Variants in RELCH observed in about 807,000 individuals in gnomAD.
The protein encoded by RELCH is RAB11-binding protein RELCH.
A neutral mutation model predicts 150.3 loss-of-function variants in RELCH; 41 were observed. The ratio of observed to expected loss-of-function variants is 0.27; its 90% confidence interval spans 0.21 to 0.35. The LOEUF (loss-of-function observed/expected upper bound fraction) is 0.35, where lower values mean the gene tolerates loss of function less well. Among genes scored for constraint, RELCH ranks in the 10% least tolerant of loss-of-function variants. RELCH has a pLI of 1.00. For synonymous variants in RELCH, 478 were observed against 531.8 expected (o/e 0.90, Z 1.39); for missense variants, 1,092 against 1,467.8 (o/e 0.74, Z 4.18).
rs187131976 is a variant in RELCH, at chr18:62,262,342, A to G, written c.2350+684A>G. On this transcript the variant is annotated intron_variant, in intron 16 of 28. Coordinates refer to ENST00000644646, the MANE Select transcript of RELCH (RefSeq NM_001346231.2). ...GACAAGCTATTGCTATGTATCAGGC[A>G]CCTTTGCAGCCTTTTCAGAGTTGTG... Among the ~76,000 whole-genome samples the G allele has an allele frequency of 4.1e-3, 628 of 152,152 alleles. 4 individuals are homozygous for G. The highest frequency in any genetic ancestry group is 7.0e-3 in the Non-Finnish European group (473 of 67,966).
rs1475032467 is a variant in RELCH, at chr18:62,306,610, G to C, written c.*1076G>C. The C allele has an allele frequency of 2.0e-5, 3 of 152,536 alleles. No homozygotes were observed. The highest frequency in any genetic ancestry group is 4.4e-5 in the Non-Finnish European group (3 of 68,020). The allele number at this position is 152,536 out of a possible 1,614,324, so 9.4% of individuals were successfully genotyped here. A position where few individuals can be genotyped will look rare whatever the true frequency, so the allele number is the denominator to read the frequency against. On this transcript the variant is annotated 3_prime_UTR_variant, in exon 29 of 29. Transcript: ENST00000644646. ...CGTCCCTTAAAGTCAGTGACCTCCT[G>C]TGTTTGATGTATATTACATAGAGTC...
intron 23 of RELCH, chr18:62,280,406 C>T (rs2044445532): frequency 1.2e-6 from 2 of 1,613,892 alleles, no homozygotes; most frequent in South Asian, 1.1e-5. Flanking sequence ...AAGCGGGTTG[C>T]TCCGGCCCTT....
In RELCH at chr18:62,233,538, T is replaced by A. The variant is rs966688555; in HGVS notation, c.1620+1111T>A. On this transcript the variant is annotated intron_variant, in intron 10 of 28. Coordinates refer to ENST00000644646, the MANE Select transcript of RELCH (RefSeq NM_001346231.2). ...AACAATTAAAAAGATGGTTTTCCAC[T>A]GATGGCTTTATTTTTACCTAATTAT... Among the ~76,000 whole-genome samples the A allele has an allele frequency of 7.2e-5, 11 of 152,148 alleles. No individual in the cohort carries two copies. The South Asian group carries it at 1.0e-3, about 14-fold the overall frequency.
At position 62,258,058 on chromosome 18, in the gene RELCH, A is replaced by C; in HGVS notation, c.2007A>C (p.Gly669=). The C allele has an allele frequency of 6.2e-7, 1 of 1,605,434 alleles. No homozygotes were observed. Among genetic ancestry groups the C allele is most frequent in the Non-Finnish European group, 8.5e-7 (1 of 1,176,168 alleles). ...TCAAAAGCCTTGGTATCATTATGGGATACATTGATGATCCAGACAAATATC... is the reference window on the plus strand; with the variant it reads ...TCAAAAGCCTTGGTATCATTATGGGCTACATTGATGATCCAGACAAATATC... ...AVIKSLGIIM[G]YIDDPDKYHQ... is the part of the protein sequence containing the mutation. Residue 669 remains glycine, a synonymous_variant, in exon 14 of 29, where the codon GGA becomes GGC. Coordinates refer to ENST00000644646, the MANE Select transcript of RELCH (RefSeq NM_001346231.2).
At chr18:62,219,547 T>G (rs2148360972) in intron 2 of RELCH, among the ~76,000 whole-genome samples, 1 of 151,566 alleles carries the variant, frequency 6.6e-6, no homozygotes, top group East Asian at 1.9e-4. Flanking sequence ...ACCTATTCTG[T>G]ACTTACCTTA....
chr18:62,279,252 T>C (rs941259687), intron 22 of RELCH, among the ~76,000 whole-genome samples: 2 of 152,206 alleles, frequency 1.3e-5, no homozygotes, highest in South Asian at 4.1e-4. Flanking sequence ...AAGAGAAGGC[T>C]ATATTATTTA....
intron 20 of RELCH, among the ~76,000 whole-genome samples, chr18:62,273,471 T>C (rs1284376513): frequency 4.6e-5 from 7 of 152,118 alleles, no homozygotes; most frequent in Admixed American, 4.6e-4. Flanking sequence ...GTAACTATTC[T>C]AGTAGTTTGT....
At chr18:62,205,544 A>G (rs1474806969) in intron 1 of RELCH, among the ~76,000 whole-genome samples, 2 of 152,216 alleles carry the variant, frequency 1.3e-5, no homozygotes, top group Non-Finnish European at 2.9e-5. Context: ...TGCACATGTC[A>G]GTATTTTATT....
chr18:62,201,233 A>C (rs942590688), intron 1 of RELCH, among the ~76,000 whole-genome samples: 5 of 152,016 alleles, frequency 3.3e-5, no homozygotes, highest in African/African-American at 1.2e-4. Context: ...TCGGCCTCCC[A>C]AAGTGCTGGG....
chr18:62,231,255 C>T lies in RELCH; in HGVS notation c.1510C>T (p.Arg504Cys). The T allele has an allele frequency of 6.2e-7, 1 of 1,602,198 alleles. No individual in the cohort carries two copies. The highest frequency in any genetic ancestry group is 8.5e-7 in the Non-Finnish European group (1 of 1,170,522). ...LSFCRMSADS[R>C]LGYEVSRIAD... ...TTTTTGTCGAATGTCAGCAGATAGTCGTTTAGGATACGAGGTAAATTATAC... is the reference window on the plus strand; with the variant it reads ...TTTTTGTCGAATGTCAGCAGATAGTTGTTTAGGATACGAGGTAAATTATAC... Residue 504 changes from arginine to cysteine, a missense_variant, in exon 9 of 29, where the codon CGT becomes TGT. Around this residue, in one of 4 missense-constraint regions of RELCH, gnomAD observed 707 missense variants for 1,025.4 expected, o/e 0.69. Coordinates refer to ENST00000644646, the MANE Select transcript of RELCH (RefSeq NM_001346231.2).
At chr18:62,245,541 G>A (rs542346742) in intron 11 of RELCH, among the ~76,000 whole-genome samples, 81 of 152,126 alleles carry the variant, frequency 5.3e-4, no homozygotes, top group Non-Finnish European at 9.9e-4. Flanking sequence ...CAGGAGAATC[G>A]CTTGAACCCA....
chr18:62,233,468 T>C (rs2041704280), intron 10 of RELCH, among the ~76,000 whole-genome samples: 2 of 151,918 alleles, frequency 1.3e-5, no homozygotes, highest in South Asian at 4.1e-4. Context: ...CAAGAAAACA[T>C]GTAGAGCTTT....
chr18:62,293,521 A>T lies in RELCH; in HGVS notation c.3459+1890A>T, dbSNP rs554582755. Among the ~76,000 whole-genome samples the T allele has an allele frequency of 2.0e-5, 3 of 152,250 alleles. No individual in the cohort carries two copies. The South Asian group carries it at 6.2e-4, about 32-fold the overall frequency. ...TTTAGGGCAATAATCTCCTTTACTT[A>T]GAATTAATTTATTGTGATGTTCATC... On this transcript the variant is annotated intron_variant, in intron 27 of 28. Transcript: ENST00000644646.
chr18:62,221,994 T>TA (rs2040906322), intron 5 of RELCH, among the ~76,000 whole-genome samples: 2 of 152,020 alleles, frequency 1.3e-5, no homozygotes, highest in African/African-American at 4.8e-5. Context: ...ATTTTCCTGA[T>TA]AAAATCTCTT....
chr18:62,302,143 A>G (rs920282851), intron 28 of RELCH, among the ~76,000 whole-genome samples: 2 of 152,252 alleles, frequency 1.3e-5, no homozygotes, highest in South Asian at 2.1e-4. Context: ...TTAAGAGTGA[A>G]GGAGAACAGA....
intron 9 of RELCH, 27 bp downstream of exon 9, chr18:62,231,296 C>G: frequency 7.1e-7 from 1 of 1,411,788 alleles, no homozygotes. Flanking sequence ...ATTTCCACAA[C>G]TTTTTAAAAA....
chr18:62,232,455 C>T, intron 10 of RELCH, 28 bp downstream of exon 10: 1 of 1,318,682 alleles, frequency 7.6e-7, no homozygotes, highest in Non-Finnish European at 1.1e-6. Context: ...ATTTTCGTCC[C>T]AGTAATCCCA....
At position 62,280,638 on chromosome 18, in the gene RELCH, T is replaced by C. The variant is rs754007179; in HGVS notation, c.3051-8T>C. On this transcript the variant is annotated splice_polypyrimidine_tract_variant and splice_region_variant and intron_variant, in intron 23 of 28. Transcript: ENST00000644646. The stretch of plus-strand genomic sequence containing the variant: ...ATCTTCAGTTTCTTTCTGTTTTAAT[T>C]CTAACAGCTCTGTCAGGATTGCCAC... 8 of 1,605,104 alleles carry C rather than the reference T, an allele frequency of 5.0e-6. No homozygotes were observed. Among genetic ancestry groups the C allele is most frequent in the African/African-American group, 1.3e-5 (1 of 74,720 alleles).
chr18:62,276,182 T>C (rs1033842575), intron 22 of RELCH, among the ~76,000 whole-genome samples: 2 of 152,184 alleles, frequency 1.3e-5, no homozygotes, highest in African/African-American at 4.8e-5. Context: ...CTGTTTCTTA[T>C]TGATTTCCAG....
Sources: allele counts gnomAD v4.1 joint callset (sites outside exome capture counted in the v4.1 genomes callset), GRCh38; gene constraint gnomAD v4.1.1; regional missense constraint gnomAD v4.1.1; transcripts MANE v1.5; gene names NCBI Gene and HGNC (gene_info 2026-07-23, HGNC 2026-07-21).